CAP2: variants seen among roughly 807,000 people sequenced by gnomAD.
The protein encoded by CAP2 is cyclase associated actin cytoskeleton regulatory protein 2.
Under a neutral mutation model 57.7 loss-of-function variants are expected in CAP2, and 24 were observed. That is an observed-to-expected ratio of 0.42 (90% CI 0.30 to 0.58). CAP2 has a LOEUF of 0.58. Ranked by LOEUF, CAP2 falls within the 20% of genes least tolerant of loss-of-function variation. The probability of loss-of-function intolerance (pLI) is 0.22; values close to 1 mark genes in which losing one functional copy is unlikely to be tolerated. For missense variants in CAP2, 501 were observed against 590.3 expected, an observed-to-expected ratio of 0.85 and a Z score of 1.57; for synonymous variants, 194 against 207.2, an observed-to-expected ratio of 0.94 and a Z score of 0.55.
chr6:17,417,031 G>A (rs560155857), intron 1 of CAP2, among the ~76,000 whole-genome samples: 2 of 152,062 alleles, frequency 1.3e-5, no homozygotes, highest in South Asian at 2.1e-4. Context: ...ACCAGGAGGT[G>A]GAGGCTGCAG....
rs1763294810 is a variant in CAP2 at position 17,555,937 on chromosome 6, A to C, written c.1351-422A>C. On this transcript the variant is annotated intron_variant, in intron 12 of 12. Transcript: ENST00000229922. Reference sequence around the variant, plus strand: ...AAAGTTTAGTGGAGAGTAGTAGGTAAGATAGAGCGCAGATTTGAATTCTAG... The same window carrying C: ...AAAGTTTAGTGGAGAGTAGTAGGTACGATAGAGCGCAGATTTGAATTCTAG... Among the ~76,000 whole-genome samples the C allele has an allele frequency of 2.6e-5, 4 of 152,220 alleles. No homozygotes were observed. In the South Asian group the frequency reaches 6.2e-4, roughly 24 times the overall value.
rs1011459946 is a variant in CAP2, at chr6:17,476,286, G to T, written c.300+13213G>T. Among the ~76,000 whole-genome samples, 3 of 152,160 alleles carry T rather than the reference G, an allele frequency of 2.0e-5. No individual in the cohort carries two copies. In the East Asian group the frequency reaches 5.8e-4, roughly 29 times the overall value. ...TAACTGCAGTACAGCTCATAAAAAA[G>T]TCTATATCATAACTTACCTATCTGA... On this transcript the variant is annotated intron_variant, in intron 4 of 12. Coordinates refer to ENST00000229922, the MANE Select transcript of CAP2 (RefSeq NM_006366.3).
chr6:17,484,986 A>G (rs1003311631), intron 4 of CAP2, among the ~76,000 whole-genome samples: 2 of 152,256 alleles, frequency 1.3e-5, no homozygotes, highest in African/African-American at 4.8e-5. Context: ...AATGATTCCA[A>G]AATGCCAAAC....
At chr6:17,504,465 G>A (rs2113653486) in intron 4 of CAP2, among the ~76,000 whole-genome samples, 1 of 152,304 alleles carries the variant, frequency 6.6e-6, no homozygotes, top group East Asian at 1.9e-4. Flanking sequence ...TGGTAGAGAA[G>A]AAACCTGTAT....
intron 3 of CAP2, among the ~76,000 whole-genome samples, chr6:17,451,658 C>A (rs191061951): frequency 6.6e-6 from 1 of 151,972 alleles, no homozygotes; most frequent in African/African-American, 2.4e-5. Flanking sequence ...TACAGGAACC[C>A]GCCACCACGC....
At chr6:17,480,923 T>G (rs59165061) in intron 4 of CAP2, among the ~76,000 whole-genome samples, 5,234 of 148,486 alleles carry the variant, frequency 0.035, 320 homozygotes, top group African/African-American at 0.12. Flanking sequence ...GGATTACAGG[T>G]GCACACCACC....
chr6:17,483,446 C>T (rs529699615), intron 4 of CAP2, among the ~76,000 whole-genome samples: 9 of 152,190 alleles, frequency 5.9e-5, no homozygotes, highest in Non-Finnish European at 7.4e-5. Flanking sequence ...AATGAAGGAG[C>T]GGCATTGGTG....
intron 7 of CAP2, among the ~76,000 whole-genome samples, chr6:17,529,389 C>G (rs1008305560): frequency 1.3e-5 from 2 of 152,122 alleles, no homozygotes; most frequent in African/African-American, 4.8e-5. Context: ...CGCCTGTAAT[C>G]CCAACACTTT....
At chr6:17,538,643 A>G (rs1192832920) in intron 7 of CAP2, among the ~76,000 whole-genome samples, 1 of 152,208 alleles carries the variant, frequency 6.6e-6, no homozygotes, top group East Asian at 1.9e-4. Flanking sequence ...AACAGCCAAC[A>G]TTTGATGAAA....
chr6:17,532,430 C>G (rs138491886), intron 7 of CAP2, among the ~76,000 whole-genome samples: 14,679 of 149,796 alleles, frequency 0.098, 850 homozygotes, highest in South Asian at 0.15. Flanking sequence ...CGTGAGCCAC[C>G]GCGCCCAGCT....
intron 7 of CAP2, among the ~76,000 whole-genome samples, chr6:17,516,534 A>C (rs111320772): frequency 1.3e-5 from 2 of 152,308 alleles, no homozygotes; most frequent in African/African-American, 4.8e-5. Flanking sequence ...TGATGGATGC[A>C]CCAAAATCTC....
At chr6:17,489,656 G>A (rs113612950) in intron 4 of CAP2, among the ~76,000 whole-genome samples, 1 of 151,838 alleles carries the variant, frequency 6.6e-6, no homozygotes, top group African/African-American at 2.4e-5. Flanking sequence ...CTCTCTGCTT[G>A]CCTGTTTGGA....
chr6:17,552,665 CCT>C (rs1763199495), intron 12 of CAP2, among the ~76,000 whole-genome samples: 1 of 152,052 alleles, frequency 6.6e-6, no homozygotes, highest in Non-Finnish European at 1.5e-5. Flanking sequence ...GGGAAAATTC[CCT>C]CTAAGTCTGC....
intron 4 of CAP2, among the ~76,000 whole-genome samples, chr6:17,483,082 G>A (rs1761332988): frequency 6.6e-6 from 1 of 152,222 alleles, no homozygotes; most frequent in African/African-American, 2.4e-5. Context: ...CTCAGGTGGA[G>A]AGTTCCAGGC....
chr6:17,416,496 G>A (rs1268445614), intron 1 of CAP2, among the ~76,000 whole-genome samples: 1 of 152,160 alleles, frequency 6.6e-6, no homozygotes, highest in Non-Finnish European at 1.5e-5. Context: ...GAAAAACTGT[G>A]ATATAACACT....
intron 3 of CAP2, among the ~76,000 whole-genome samples, chr6:17,436,086 T>TTTTCCTTCC (rs1554122430): frequency 1.5e-5 from 2 of 133,904 alleles, no homozygotes; most frequent in Non-Finnish European, 3.1e-5. Flanking sequence ...TCTTTCTTTC[T>TTTTCCTTCC]TTCCTTCCTT....
In CAP2 at chr6:17,413,159, C is replaced by T. The variant is rs547550482; in HGVS notation, c.-1-8396C>T. Among the ~76,000 whole-genome samples the T allele has an allele frequency of 5.9e-5, 9 of 152,180 alleles. No homozygotes were observed. In the East Asian group the frequency reaches 1.4e-3, roughly 23 times the overall value. ...CTGCAGTGAGACCTGATTAGAGGCC[C>T]TAGAGGAGTCAGTTGGCTAACCAGG... On this transcript the variant is annotated intron_variant, in intron 1 of 12. Transcript: ENST00000229922.
At chr6:17,415,259 C>T (rs1025195168) in intron 1 of CAP2, among the ~76,000 whole-genome samples, 1 of 152,182 alleles carries the variant, frequency 6.6e-6, no homozygotes, top group Non-Finnish European at 1.5e-5. Context: ...ATCCAAGTAG[C>T]ATTATCTCTT....
intron 7 of CAP2, among the ~76,000 whole-genome samples, chr6:17,515,334 A>G (rs992009259): frequency 6.6e-6 from 1 of 152,324 alleles, no homozygotes; most frequent in South Asian, 2.1e-4. Flanking sequence ...AGAGACCACT[A>G]TCCTAAGCTA....
Sources: gnomAD v4.1 joint callset for allele counts (sites outside exome capture counted in the v4.1 genomes callset) on GRCh38, gnomAD v4.1.1 for gene constraint, MANE v1.5 for transcripts, NCBI Gene and HGNC (gene_info 2026-07-23, HGNC 2026-07-21) for gene names.